Variants in GRID1 observed in about 807,000 individuals in gnomAD.
GRID1 encodes glutamate ionotropic receptor delta type subunit 1, also known as glutamate receptor ionotropic, delta-1.
Under a neutral mutation model 98.0 loss-of-function variants are expected in GRID1, and 28 were observed. The observed-to-expected ratio is 0.29, with a 90% CI of 0.21 to 0.39. The LOEUF (loss-of-function observed/expected upper bound fraction) is 0.39. Ranked by LOEUF, GRID1 falls within the 10% of genes least tolerant of loss-of-function variation. The pLI, the probability that GRID1 is intolerant of heterozygous loss-of-function variation, is 1.00. For synonymous variants in GRID1, 553 were observed against 538.5 expected (o/e 1.03, Z -0.37); for missense variants, 1,111 against 1,340.5 (o/e 0.83, Z 2.67).
intron 3 of GRID1, among the ~76,000 whole-genome samples, chr10:86,177,262 A>C (rs1015893772): frequency 6.6e-6 from 1 of 152,194 alleles, no homozygotes; most frequent in South Asian, 2.1e-4. Flanking sequence ...GACCAATTAC[A>C]GTGCATTGTC....
At position 85,620,017 on chromosome 10, in the gene GRID1, T is replaced by A. The variant is rs942877197; in HGVS notation, c.2210A>T (p.Tyr737Phe). Residue 737 changes from tyrosine (Y) to phenylalanine (F), a missense_variant, in exon 14 of 16, where the codon TAC (tyrosine) becomes TTC (phenylalanine). Physicochemically the swap from Tyr to Phe is conservative, Grantham distance 22. Transcript: ENST00000327946. ...CACGGCCACATCCCACAGGAAGGCG[T>A]AGTTCCCCTTCTTTGCCTGAAAGAT... ...EGIRKAKKGN[Y>F]AFLWDVAVVE... 5 of 1,613,802 alleles carry A rather than the reference T, an allele frequency of 3.1e-6. No individual in the cohort carries two copies. The African/African-American group carries it at 6.7e-5, about 22-fold the overall frequency.
At chr10:86,071,122 A>G (rs1193327683) in intron 4 of GRID1, among the ~76,000 whole-genome samples, 3 of 152,208 alleles carry the variant, frequency 2.0e-5, no homozygotes, top group East Asian at 3.8e-4. Flanking sequence ...TAAAATTCCA[A>G]CAAGAATAAC....
chr10:85,774,671 G>A (rs2132717242), intron 8 of GRID1, among the ~76,000 whole-genome samples: 1 of 152,074 alleles, frequency 6.6e-6, no homozygotes. Flanking sequence ...CAAAGGACAT[G>A]AACAGACACT....
At chr10:85,681,739 A>G (rs1354463807) in intron 12 of GRID1, among the ~76,000 whole-genome samples, 5 of 152,080 alleles carry the variant, frequency 3.3e-5, no homozygotes, top group Non-Finnish European at 5.9e-5. Context: ...TTCTGCTGGC[A>G]TTTCCGCATC....
chr10:86,227,235 T>C (rs1017822725), intron 2 of GRID1, among the ~76,000 whole-genome samples: 2 of 152,086 alleles, frequency 1.3e-5, no homozygotes, highest in Non-Finnish European at 2.9e-5. Context: ...CGAAAGACAA[T>C]GGCAACTGGG....
chr10:86,023,371 C>G (rs553561700), intron 4 of GRID1, among the ~76,000 whole-genome samples: 1 of 152,298 alleles, frequency 6.6e-6, no homozygotes, highest in South Asian at 2.1e-4. Context: ...CCTCGTTGAA[C>G]TCTCACAACC....
chr10:86,241,787 A>C (rs1001695125), intron 2 of GRID1, among the ~76,000 whole-genome samples: 4 of 152,174 alleles, frequency 2.6e-5, no homozygotes, highest in Admixed American at 2.6e-4. Flanking sequence ...TGCCCCTGGG[A>C]GGCCATCACC....
intron 2 of GRID1, among the ~76,000 whole-genome samples, chr10:86,349,372 C>A (rs1217577847): frequency 1.3e-5 from 2 of 152,224 alleles, no homozygotes; most frequent in African/African-American, 4.8e-5. Flanking sequence ...GCTTCTATTT[C>A]TTCTGCACGA....
At chr10:85,710,787 T>G (rs1413222554) in intron 12 of GRID1, among the ~76,000 whole-genome samples, 1 of 151,950 alleles carries the variant, frequency 6.6e-6, no homozygotes, top group African/African-American at 2.4e-5. Flanking sequence ...ATGATTCAAT[T>G]AAAAATAGAC....
At chr10:86,232,712 C>G (rs1327581940) in intron 2 of GRID1, among the ~76,000 whole-genome samples, 1 of 152,060 alleles carries the variant, frequency 6.6e-6, no homozygotes, top group African/African-American at 2.4e-5. Flanking sequence ...AGGGCATTAA[C>G]AATTTGTATT....
At chr10:86,342,300 C>T (rs1848321127) in intron 2 of GRID1, among the ~76,000 whole-genome samples, 1 of 152,202 alleles carries the variant, frequency 6.6e-6, no homozygotes, top group African/African-American at 2.4e-5. Flanking sequence ...TCACAAAGGC[C>T]ACACAGCAGT....
intron 2 of GRID1, among the ~76,000 whole-genome samples, chr10:86,236,644 A>T (rs1371744040): frequency 6.6e-6 from 1 of 152,210 alleles, no homozygotes; most frequent in African/African-American, 2.4e-5. Flanking sequence ...TCCAGTCTTC[A>T]CACAGCAAAG....
intron 12 of GRID1, among the ~76,000 whole-genome samples, chr10:85,695,788 C>A (rs75631458): frequency 6.6e-6 from 1 of 152,010 alleles, no homozygotes; most frequent in African/African-American, 2.4e-5. Context: ...ACAAAAAAAA[C>A]AAGCCAGCTG....
intron 2 of GRID1, among the ~76,000 whole-genome samples, chr10:86,315,960 C>T (rs1554873278): frequency 6.6e-6 from 1 of 152,138 alleles, no homozygotes; most frequent in Non-Finnish European, 1.5e-5. Flanking sequence ...TTTTCTAACT[C>T]CTATCTGTCA....
At chr10:86,197,560 A>G (rs1423571265) in intron 3 of GRID1, among the ~76,000 whole-genome samples, 2 of 152,110 alleles carry the variant, frequency 1.3e-5, no homozygotes, top group Non-Finnish European at 2.9e-5. Flanking sequence ...AGGAGCCCGC[A>G]TCGGTCCTGC....
At chr10:86,250,608 AG>A (rs1366164044) in intron 2 of GRID1, among the ~76,000 whole-genome samples, 1 of 136,688 alleles carries the variant, frequency 7.3e-6, no homozygotes, top group Admixed American at 8.6e-5. Flanking sequence ...GGTGGGGGGC[AG>A]CCCCCGCCTG....
At chr10:85,692,928 G>C (rs1056960822) in intron 12 of GRID1, among the ~76,000 whole-genome samples, 1 of 152,216 alleles carries the variant, frequency 6.6e-6, no homozygotes, top group African/African-American at 2.4e-5. Context: ...AGGCTGTAAA[G>C]GTGGCTATGA....
chr10:85,708,348 G>C (rs1317760236), intron 12 of GRID1, among the ~76,000 whole-genome samples: 1 of 151,306 alleles, frequency 6.6e-6, no homozygotes, highest in Non-Finnish European at 1.5e-5. Context: ...AGCTTGCAGT[G>C]AGCCGAGATT....
intron 12 of GRID1, among the ~76,000 whole-genome samples, chr10:85,709,652 A>C (rs867000348): frequency 6.6e-6 from 1 of 152,176 alleles, no homozygotes; most frequent in East Asian, 1.9e-4. Context: ...TGGAGCTCAT[A>C]GTCTGGATTA....
Sources: gnomAD v4.1 joint callset for allele counts (sites outside exome capture counted in the v4.1 genomes callset) on GRCh38, gnomAD v4.1.1 for gene constraint, MANE v1.5 for transcripts, NCBI Gene and HGNC (gene_info 2026-07-23, HGNC 2026-07-21) for gene names.